GHR: variants seen among roughly 807,000 people sequenced by gnomAD.
The protein encoded by GHR is GH receptor.
A neutral mutation model predicts 67.1 loss-of-function variants in GHR; 35 were observed. That is an observed-to-expected ratio of 0.52 (90% CI 0.40 to 0.69). The LOEUF is 0.69. Among genes scored for constraint, GHR ranks in the 30% least tolerant of loss-of-function variants. The pLI, the probability that GHR is intolerant of heterozygous loss-of-function variation, is 0.00. For missense variants in GHR, 792 were observed against 764.6 expected, an observed-to-expected ratio of 1.04 and a Z score of -0.42; for synonymous variants, 272 against 269.1, an observed-to-expected ratio of 1.01 and a Z score of -0.10.
chr5:42,605,414 C>T (rs985012102), intron 2 of GHR, among the ~76,000 whole-genome samples: 1 of 152,004 alleles, frequency 6.6e-6, no homozygotes, highest in South Asian at 2.1e-4. Flanking sequence ...CCTGGGGTGC[C>T]TCTTAAACTT....
At chr5:42,649,482 TATTA>T (rs1270766723) in intron 3 of GHR, among the ~76,000 whole-genome samples, 1 of 152,146 alleles carries the variant, frequency 6.6e-6, no homozygotes, top group Non-Finnish European at 1.5e-5. Context: ...TGAAGATAAA[TATTA>T]ATTATTAAAA....
chr5:42,545,637 T>A (rs1342993940), intron 1 of GHR, among the ~76,000 whole-genome samples: 1 of 152,178 alleles, frequency 6.6e-6, no homozygotes, highest in African/African-American at 2.4e-5. Context: ...TGTCTGCGCT[T>A]GAAATTCTGT....
At position 42,712,683 on chromosome 5, in the gene GHR, G is replaced by A. The variant is rs183284841; in HGVS notation, c.785-746G>A. Among the ~76,000 whole-genome samples, 108 of 152,100 alleles carry A rather than the reference G, an allele frequency of 7.1e-4. 3 individuals carry two copies. The highest frequency in any genetic ancestry group is 1.2e-3 in the Non-Finnish European group (79 of 67,944). ...TGGTTAGCCTCTGCCTCTGTGGTAA[G>A]AATACTGGGTACCAACTGCAAAGTA... On this transcript the variant is annotated intron_variant, in intron 7 of 9. Coordinates refer to ENST00000230882, the MANE Select transcript of GHR (RefSeq NM_000163.5).
At chr5:42,667,604 A>G (rs1368765001) in intron 3 of GHR, among the ~76,000 whole-genome samples, 6 of 152,184 alleles carry the variant, frequency 3.9e-5, no homozygotes, top group Non-Finnish European at 5.9e-5. Flanking sequence ...AAGTGATTAC[A>G]ATGTGCAGCC....
intron 1 of GHR, among the ~76,000 whole-genome samples, chr5:42,521,199 T>C (rs1057351551): frequency 1.3e-5 from 2 of 152,198 alleles, no homozygotes; most frequent in Admixed American, 1.3e-4. Context: ...GCTCCTTGCC[T>C]GAAGAAAACC....
intron 3 of GHR, among the ~76,000 whole-genome samples, chr5:42,685,113 GC>G (rs977907640): frequency 6.6e-6 from 1 of 151,944 alleles, no homozygotes; most frequent in African/African-American, 2.4e-5. Flanking sequence ...CCCTCAACAG[GC>G]CCCAGTGTGT....
At chr5:42,664,833 G>A (rs1366640814) in intron 3 of GHR, among the ~76,000 whole-genome samples, 34 of 152,110 alleles carry the variant, frequency 2.2e-4, no homozygotes, top group African/African-American at 4.1e-4. Flanking sequence ...GAAAATTTTC[G>A]CAACCTACTC....
intron 1 of GHR, among the ~76,000 whole-genome samples, chr5:42,563,057 T>C (rs757423527): frequency 3.9e-5 from 6 of 152,194 alleles, no homozygotes; most frequent in Non-Finnish European, 5.9e-5. Context: ...TGCCACTTGT[T>C]TGTGGCATCT....
intron 4 of GHR, 32 bp from the exon 5 acceptor site, chr5:42,694,885 A>G (rs1001831306): frequency 2.6e-6 from 4 of 1,522,916 alleles, no homozygotes; most frequent in Non-Finnish European, 2.7e-6. Flanking sequence ...GATTTTTGGA[A>G]CAATTAATCT....
chr5:42,642,862 A>G (rs1278401175), intron 3 of GHR, among the ~76,000 whole-genome samples: 2 of 152,028 alleles, frequency 1.3e-5, no homozygotes, highest in African/African-American at 4.8e-5. Context: ...ACTGCCAGCA[A>G]TCTTTGGTGT....
chr5:42,627,508 G>A (rs1297093895), intron 2 of GHR, among the ~76,000 whole-genome samples: 1 of 152,162 alleles, frequency 6.6e-6, no homozygotes, highest in Non-Finnish European at 1.5e-5. Flanking sequence ...AAATCAAACT[G>A]TAAAATATTT....
At chr5:42,499,349 T>C (rs960369897) in intron 1 of GHR, among the ~76,000 whole-genome samples, 1 of 152,210 alleles carries the variant, frequency 6.6e-6, no homozygotes, top group Admixed American at 6.5e-5. Context: ...CTAGCTTTTA[T>C]CTTCCAGTCA....
chr5:42,569,143 A>T (rs1467244408), intron 2 of GHR, among the ~76,000 whole-genome samples: 1 of 152,240 alleles, frequency 6.6e-6, no homozygotes, highest in East Asian at 1.9e-4. Context: ...TGAGAAGAAC[A>T]GAAGGCTATT....
chr5:42,610,629 A>G (rs1408109499), intron 2 of GHR, among the ~76,000 whole-genome samples: 1 of 151,954 alleles, frequency 6.6e-6, no homozygotes. Context: ...AGAAGGCTGG[A>G]AGAGATGACC....
intron 4 of GHR, among the ~76,000 whole-genome samples, chr5:42,693,917 G>A (rs1379933280): frequency 6.6e-6 from 1 of 152,150 alleles, no homozygotes; most frequent in African/African-American, 2.4e-5. Flanking sequence ...CCTCACCCAA[G>A]TAGCAATTCT....
intron 6 of GHR, among the ~76,000 whole-genome samples, chr5:42,705,758 G>A (rs1758145291): frequency 6.6e-6 from 1 of 152,114 alleles, no homozygotes; most frequent in African/African-American, 2.4e-5. Context: ...CGCCTGAGCA[G>A]TATTCCATGG....
intron 1 of GHR, among the ~76,000 whole-genome samples, chr5:42,496,415 AAC>A (rs961198809): frequency 1.3e-5 from 2 of 152,088 alleles, no homozygotes; most frequent in African/African-American, 4.8e-5. Flanking sequence ...TTAGTGATAA[AAC>A]ACAAGAAAGT....
intron 1 of GHR, among the ~76,000 whole-genome samples, chr5:42,503,327 A>G (rs1746621046): frequency 6.6e-6 from 1 of 152,252 alleles, no homozygotes; most frequent in South Asian, 2.1e-4. Flanking sequence ...AAATAAGCAC[A>G]CAATTCACTT....
At chr5:42,691,090 G>A (rs1247203350) in intron 4 of GHR, among the ~76,000 whole-genome samples, 1 of 151,962 alleles carries the variant, frequency 6.6e-6, no homozygotes, top group Non-Finnish European at 1.5e-5. Flanking sequence ...CTGTCCACAG[G>A]CATCTTATGC....
Sources: gnomAD v4.1 joint callset for allele counts (sites outside exome capture counted in the v4.1 genomes callset) on GRCh38, gnomAD v4.1.1 for gene constraint, MANE v1.5 for transcripts, NCBI Gene and HGNC (gene_info 2026-07-23, HGNC 2026-07-21) for gene names.